Variants in EPB41L4A observed in about 807,000 individuals in gnomAD.
EPB41L4A encodes the protein band 4.1-like protein 4A.
EPB41L4A carries 100 observed loss-of-function variants against 108.6 expected under a neutral mutation model. That is an observed-to-expected ratio of 0.92 (90% CI 0.78 to 1.09). The LOEUF (loss-of-function observed/expected upper bound fraction) is 1.09. Among genes scored for constraint, EPB41L4A ranks in the 50% least tolerant of loss-of-function variants. The pLI is 0.00. For synonymous variants in EPB41L4A, 319 were observed against 289.0 expected, an observed-to-expected ratio of 1.10 and a Z score of -1.05; for missense variants, 1,030 against 842.7, an observed-to-expected ratio of 1.22 and a Z score of -2.75.
chr5:112,193,967 C>A (rs1761834858), intron 17 of EPB41L4A, among the ~76,000 whole-genome samples: 1 of 152,198 alleles, frequency 6.6e-6, no homozygotes, highest in Admixed American at 6.5e-5. Flanking sequence ...GACACAAATA[C>A]TTCTTGTTTT....
chr5:112,284,677 G>A (rs535246603), intron 2 of EPB41L4A, among the ~76,000 whole-genome samples: 3 of 152,254 alleles, frequency 2.0e-5, no homozygotes, highest in African/African-American at 4.8e-5. Context: ...CTAACATACT[G>A]TATCCTAAAC....
chr5:112,254,981 G>A (rs1191456875), intron 9 of EPB41L4A, among the ~76,000 whole-genome samples: 1 of 152,130 alleles, frequency 6.6e-6, no homozygotes, highest in East Asian at 1.9e-4. Context: ...AGGGATGGCT[G>A]TGTCTTCTGT....
intron 1 of EPB41L4A, among the ~76,000 whole-genome samples, chr5:112,344,370 T>A (rs1307841376): frequency 2.0e-5 from 3 of 152,166 alleles, no homozygotes; most frequent in African/African-American, 7.2e-5. Context: ...TAATTTACAA[T>A]GACCAGGATT....
intron 1 of EPB41L4A, among the ~76,000 whole-genome samples, chr5:112,339,512 A>ATGTG (rs1561585408): frequency 1.7e-4 from 8 of 46,000 alleles, no homozygotes; most frequent in African/African-American, 6.7e-4. Context: ...ATATATATAG[A>ATGTG]TATATAGATA....
chr5:112,185,762 G>A (rs1761396488), intron 17 of EPB41L4A, among the ~76,000 whole-genome samples: 1 of 152,106 alleles, frequency 6.6e-6, no homozygotes, highest in Non-Finnish European at 1.5e-5. Flanking sequence ...ACTATGAGAA[G>A]GTATACTACT....
chr5:112,410,865 A>G (rs1762367710), intron 1 of EPB41L4A, among the ~76,000 whole-genome samples: 1 of 152,170 alleles, frequency 6.6e-6, no homozygotes, highest in Non-Finnish European at 1.5e-5. Context: ...ATATACAAAT[A>G]TCACCTCTTC....
chr5:112,339,379 C>T (rs1580714786), intron 1 of EPB41L4A, among the ~76,000 whole-genome samples: 2 of 150,924 alleles, frequency 1.3e-5, no homozygotes, highest in South Asian at 4.2e-4. Flanking sequence ...GTTTTGGTAA[C>T]CACAAATAAC....
intron 1 of EPB41L4A, among the ~76,000 whole-genome samples, chr5:112,326,033 C>T (rs766722290): frequency 6.6e-6 from 1 of 152,064 alleles, no homozygotes; most frequent in Non-Finnish European, 1.5e-5. Flanking sequence ...ACCTGTATTT[C>T]CAGCTACTTG....
chr5:112,259,924 T>C lies in EPB41L4A; in HGVS notation c.698A>G (p.Tyr233Cys), dbSNP rs537384572. 10 of 1,614,014 alleles carry C rather than the reference T, an allele frequency of 6.2e-6. No individual in the cohort carries two copies. Among genetic ancestry groups the C allele is most frequent in the Non-Finnish European group, 8.5e-6 (10 of 1,179,966 alleles). ...CTTCCCCACTTGCTTTTTATTCTTG[T>C]ACACAACAACACCAACCGGAGTTAA... ...LGLTPVGVVV[Y>C]KNKKQVGKYF... is the part of the protein sequence containing the mutation. The change falls in exon 8 of 23, where the codon TAC (tyrosine) becomes TGC (cysteine). Residue 233 changes from tyrosine to cysteine, a missense_variant. By Grantham distance (194) the Tyr-to-Cys change is radical (BLOSUM62 -2). Coordinates refer to ENST00000261486, the MANE Select transcript of EPB41L4A (RefSeq NM_022140.5).
downstream of EPB41L4A, chr5:112,161,225 T>TA (rs1483687612): frequency 3.5e-6 from 1 of 287,454 alleles, no homozygotes; most frequent in African/African-American, 2.2e-5. Flanking sequence ...TAAAATAACT[T>TA]AAAAGCAGCG....
Position 112,212,845 on chromosome 5 carries a change from T to C in EPB41L4A, c.1088-2863A>G, listed in dbSNP as rs540285393. On this transcript the variant is annotated intron_variant, in intron 12 of 22. Transcript: ENST00000261486. ...TGAGTAACTAGCTTAAGAAAAGACC[T>C]AGGTTTGCTCCCACCCTCATTCTCT... Among the ~76,000 whole-genome samples the C allele has an allele frequency of 3.9e-5, 6 of 152,248 alleles. 1 individual carries two copies. The highest frequency in any genetic ancestry group is 1.4e-4 in the African/African-American group (6 of 41,552).
At chr5:112,318,494 A>C (rs1160786464) in intron 1 of EPB41L4A, among the ~76,000 whole-genome samples, 2 of 152,324 alleles carry the variant, frequency 1.3e-5, no homozygotes, top group African/African-American at 4.8e-5. Flanking sequence ...ACTCAAGCCC[A>C]ACCTTTCAGA....
At chr5:112,220,362 T>G (rs184588859) in intron 12 of EPB41L4A, among the ~76,000 whole-genome samples, 1 of 152,296 alleles carries the variant, frequency 6.6e-6, no homozygotes, top group East Asian at 1.9e-4. Context: ...ATATGTCACT[T>G]GATAATTAGA....
intron 1 of EPB41L4A, among the ~76,000 whole-genome samples, chr5:112,354,214 G>A (rs994804624): frequency 3.3e-5 from 5 of 152,238 alleles, no homozygotes; most frequent in East Asian, 3.9e-4. Flanking sequence ...CTCATTATAC[G>A]TTCCTCATCA....
chr5:112,314,538 A>AAAAAAAAAG (rs1561563700), intron 1 of EPB41L4A, among the ~76,000 whole-genome samples: 2 of 111,328 alleles, frequency 1.8e-5, no homozygotes, highest in African/African-American at 7.2e-5. Flanking sequence ...AAAAAAAAAA[A>AAAAAAAAAG]GAAAAGAAAT....
At chr5:112,193,989 T>G (rs1242528327) in intron 17 of EPB41L4A, among the ~76,000 whole-genome samples, 2 of 152,226 alleles carry the variant, frequency 1.3e-5, no homozygotes, top group African/African-American at 4.8e-5. Context: ...GAGTGCATAT[T>G]TTGGAACTAG....
intron 1 of EPB41L4A, among the ~76,000 whole-genome samples, chr5:112,365,508 T>C (rs1347295804): frequency 6.6e-6 from 1 of 152,176 alleles, no homozygotes; most frequent in Non-Finnish European, 1.5e-5. Context: ...TTTAGAATAG[T>C]TTTAGACTTC....
At chr5:112,253,939 A>C (rs1411951435) in intron 9 of EPB41L4A, among the ~76,000 whole-genome samples, 2 of 152,168 alleles carry the variant, frequency 1.3e-5, no homozygotes, top group Non-Finnish European at 2.9e-5. Flanking sequence ...GCTTGTTGAC[A>C]AACAGTGATG....
intron 15 of EPB41L4A, among the ~76,000 whole-genome samples, chr5:112,201,238 A>G (rs747950302): frequency 6.6e-6 from 1 of 152,236 alleles, no homozygotes; most frequent in Non-Finnish European, 1.5e-5. Context: ...CTGTAAGTGC[A>G]TCAGGCAAAA....
Sources: allele counts gnomAD v4.1 joint callset (sites outside exome capture counted in the v4.1 genomes callset), GRCh38; gene constraint gnomAD v4.1.1; transcripts MANE v1.5; gene names NCBI Gene and HGNC (gene_info 2026-07-23, HGNC 2026-07-21).